CAMK1D: variants seen among roughly 807,000 people sequenced by gnomAD.
CAMK1D encodes calcium/calmodulin-dependent protein kinase type 1D.
In CAMK1D, 9 loss-of-function variants were observed where a neutral mutation model predicts 47.7. The observed-to-expected ratio is 0.19, with a 90% CI of 0.11 to 0.33. The LOEUF is 0.33. Ranked by LOEUF, CAMK1D falls within the 10% of genes least tolerant of loss-of-function variation. CAMK1D has a pLI of 1.00. For synonymous variants in CAMK1D, 184 were observed against 184.9 expected, an observed-to-expected ratio of 0.99 and a Z score of 0.04; for missense variants, 291 against 488.7, an observed-to-expected ratio of 0.60 and a Z score of 3.81.
In CAMK1D at chr10:12,791,725, C is replaced by T. The variant is rs111965353; in HGVS notation, c.641+492C>T. Among the ~76,000 whole-genome samples, 883 of 152,264 alleles carry T rather than the reference C, an allele frequency of 5.8e-3. 6 individuals carry two copies. Among genetic ancestry groups the T allele is most frequent in the African/African-American group, 0.02 (840 of 41,532 alleles). On this transcript the variant is annotated intron_variant, in intron 6 of 10. Transcript: ENST00000619168. Reference sequence around the variant, plus strand: ...CCATGTTTTGTTTATCCCCTTGGTCCGTCGATAGACATTTGGGTTGTTTCC... The same window carrying T: ...CCATGTTTTGTTTATCCCCTTGGTCTGTCGATAGACATTTGGGTTGTTTCC...
In CAMK1D at chr10:12,833,449, C is replaced by T. The variant is rs549747117; in HGVS notation, c.*4562C>T. ...TAAACAGAAAGGAAAGATGATATCC[C>T]AGTGCAGGTAGACTTTATTTTTGAA... On this transcript the variant is annotated 3_prime_UTR_variant, in exon 11 of 11. Transcript: ENST00000619168. 6.6e-6 allele frequency: 1 copy of T among 152,274 alleles called. No individual in the cohort carries two copies. Among genetic ancestry groups the T allele is most frequent in the Non-Finnish European group, 1.5e-5 (1 of 68,072 alleles). The allele number at this position is 152,274 out of a possible 1,614,324, so 9.4% of individuals were successfully genotyped here.
chr10:12,800,824 G>C (rs1838398685), intron 6 of CAMK1D, among the ~76,000 whole-genome samples: 1 of 152,182 alleles, frequency 6.6e-6, no homozygotes. Context: ...AGTGCATTCT[G>C]TCATCATGTT....
At chr10:12,512,051 C>G (rs1040307504) in intron 1 of CAMK1D, among the ~76,000 whole-genome samples, 1 of 152,172 alleles carries the variant, frequency 6.6e-6, no homozygotes, top group Non-Finnish European at 1.5e-5. Flanking sequence ...GCAAATGAAA[C>G]CAGATGTGTT....
At chr10:12,445,048 C>T (rs1207179533) in intron 1 of CAMK1D, among the ~76,000 whole-genome samples, 2 of 152,230 alleles carry the variant, frequency 1.3e-5, no homozygotes, top group African/African-American at 4.8e-5. Flanking sequence ...CTTTCAGGGC[C>T]TGCTATCTGT....
Position 12,538,666 on chromosome 10 carries a change from G to A in CAMK1D, c.93-14559G>A, listed in dbSNP as rs542477484. ...AGGAGGTGCAGGCCAGTTGCTAGGC[G>A]TCCAGCAGACTAGTGATTAGATGCA... On this transcript the variant is annotated intron_variant, in intron 1 of 10. Transcript: ENST00000619168. Among the ~76,000 whole-genome samples, 7 of 152,188 alleles carry A rather than the reference G, an allele frequency of 4.6e-5. 1 individual carries two copies. The South Asian group carries it at 1.0e-3, about 23-fold the overall frequency.
At chr10:12,446,977 G>C (rs1406432170) in intron 1 of CAMK1D, among the ~76,000 whole-genome samples, 1 of 152,158 alleles carries the variant, frequency 6.6e-6, no homozygotes, top group Non-Finnish European at 1.5e-5. Flanking sequence ...CCAACTGGCA[G>C]CTTCCCCAAT....
intron 8 of CAMK1D, among the ~76,000 whole-genome samples, chr10:12,820,337 C>A (rs1627294): frequency 0.75 from 114,800 of 152,148 alleles, 43,620 homozygotes; most frequent in East Asian, 0.82. Flanking sequence ...TACATTTTAA[C>A]CCTCCCAATA....
intron 1 of CAMK1D, among the ~76,000 whole-genome samples, chr10:12,400,730 T>TA (rs989387606): frequency 1.3e-5 from 2 of 152,068 alleles, no homozygotes; most frequent in African/African-American, 2.4e-5. Context: ...GATGGAGACT[T>TA]ACAACTGTAC....
At position 12,522,770 on chromosome 10, in the gene CAMK1D, G is replaced by A. The variant is rs543470608; in HGVS notation, c.93-30455G>A. 3.6e-3 allele frequency among the ~76,000 whole-genome samples: 541 copies of A among 150,534 alleles called. 3 individuals carry two copies. The highest frequency in any genetic ancestry group is 0.013 in the African/African-American group (526 of 40,982). On this transcript the variant is annotated intron_variant, in intron 1 of 10. Transcript: ENST00000619168. ...AGGGGCTCCTCACTTCCCAGAAGGG[G>A]CGGCCGGGCAGAGGCGCCCACCACC...
At chr10:12,709,733 T>C (rs1225088880) in intron 3 of CAMK1D, among the ~76,000 whole-genome samples, 3 of 152,236 alleles carry the variant, frequency 2.0e-5, no homozygotes, top group African/African-American at 7.2e-5. Context: ...ATTTACTTAC[T>C]GCCTCGGGAA....
In CAMK1D at chr10:12,530,422, G is replaced by T. The variant is rs568150006; in HGVS notation, c.93-22803G>T. ...GTTTCCTTTTCTGGGAAATGAGGTG[G>T]TTGAACTTGATGATCTCTGCATCAT... On this transcript the variant is annotated intron_variant, in intron 1 of 10. Transcript: ENST00000619168. 3.9e-5 allele frequency among the ~76,000 whole-genome samples: 6 copies of T among 152,308 alleles called. No individual in the cohort carries two copies. In the East Asian group the frequency reaches 9.6e-4, roughly 24 times the overall value.
At chr10:12,583,290 A>G (rs989953362) in intron 2 of CAMK1D, among the ~76,000 whole-genome samples, 3 of 152,142 alleles carry the variant, frequency 2.0e-5, no homozygotes, top group Non-Finnish European at 4.4e-5. Flanking sequence ...TTCCAATGAT[A>G]TGAGTTTGGT....
chr10:12,635,231 GC>G (rs1839481199), intron 2 of CAMK1D, among the ~76,000 whole-genome samples: 1 of 152,146 alleles, frequency 6.6e-6, no homozygotes, highest in Non-Finnish European at 1.5e-5. Flanking sequence ...CCCCGTGGCT[GC>G]CCAGGTCTGA....
At chr10:12,369,252 A>G (rs1837939143) in intron 1 of CAMK1D, among the ~76,000 whole-genome samples, 2 of 152,208 alleles carry the variant, frequency 1.3e-5, no homozygotes, top group Non-Finnish European at 2.9e-5. Context: ...GTACCTTGCC[A>G]AAGGGCTCAT....
chr10:12,425,545 G>A (rs774724192), intron 1 of CAMK1D, among the ~76,000 whole-genome samples: 16 of 152,092 alleles, frequency 1.1e-4, no homozygotes, highest in Non-Finnish European at 2.2e-4. Flanking sequence ...GCCTCCCAAC[G>A]TGCTGGGATT....
At position 12,527,182 on chromosome 10, in the gene CAMK1D, AG is replaced by A. The variant is rs1183753521; in HGVS notation, c.93-26040del. 4.6e-5 allele frequency among the ~76,000 whole-genome samples: 7 copies of A among 152,090 alleles called. No homozygotes were observed. The South Asian group carries it at 8.3e-4, about 18-fold the overall frequency. Reference sequence around the variant, plus strand: ...CTCATGACTGGGCTGGCCCTAGAGCAGGGCAGGTAGAAAGTAAGAGAGAAAA... The same window carrying A: ...CTCATGACTGGGCTGGCCCTAGAGCAGGCAGGTAGAAAGTAAGAGAGAAAA... On this transcript the variant is annotated intron_variant, in intron 1 of 10. Coordinates refer to ENST00000619168, the MANE Select transcript of CAMK1D (RefSeq NM_153498.4).
chr10:12,504,199 C>T (rs1834797970), intron 1 of CAMK1D, among the ~76,000 whole-genome samples: 1 of 146,308 alleles, frequency 6.8e-6, no homozygotes, highest in South Asian at 2.1e-4. Flanking sequence ...TTCTAAATGT[C>T]ACAAATATGT....
intron 3 of CAMK1D, among the ~76,000 whole-genome samples, chr10:12,742,913 C>T (rs1835497084): frequency 6.6e-6 from 1 of 152,152 alleles, no homozygotes; most frequent in African/African-American, 2.4e-5. Flanking sequence ...ACTGTTTAAA[C>T]ACATATGGAT....
chr10:12,409,211 C>T (rs976407362), intron 1 of CAMK1D, among the ~76,000 whole-genome samples: 1 of 152,132 alleles, frequency 6.6e-6, no homozygotes, highest in Admixed American at 6.5e-5. Flanking sequence ...TCCCCTCGTT[C>T]TGTAATCGTG....
Sources: gnomAD v4.1 joint callset for allele counts (sites outside exome capture counted in the v4.1 genomes callset) on GRCh38, gnomAD v4.1.1 for gene constraint, MANE v1.5 for transcripts, NCBI Gene and HGNC (gene_info 2026-07-23, HGNC 2026-07-21) for gene names.